Variants in CAAP1 observed in about 807,000 individuals in gnomAD.
CAAP1 encodes caspase activity and apoptosis inhibitor 1.
In CAAP1, 20 loss-of-function variants were observed where a neutral mutation model predicts 34.0. The observed-to-expected ratio is 0.59, with a 90% CI of 0.41 to 0.86. The LOEUF is 0.86. Ranked by LOEUF, CAAP1 falls within the 40% of genes least tolerant of loss-of-function variation. The probability of loss-of-function intolerance (pLI) is 0.00; values close to 1 mark genes in which losing one functional copy is unlikely to be tolerated. For missense variants in CAAP1, 538 were observed against 450.5 expected, an observed-to-expected ratio of 1.19 and a Z score of -1.76; for synonymous variants, 213 against 166.7, an observed-to-expected ratio of 1.28 and a Z score of -2.14.
At chr9:26,854,314 G>C (rs926826701) in intron 5 of CAAP1, among the ~76,000 whole-genome samples, 6 of 152,218 alleles carry the variant, frequency 3.9e-5, no homozygotes, top group Non-Finnish European at 8.8e-5. Context: ...GAGGAACAGA[G>C]AGTTTAAGTA....
Position 26,892,544 on chromosome 9 carries a change from C to G in CAAP1, c.172G>C (p.Ala58Pro), listed in dbSNP as rs752642572. 6.3e-7 allele frequency: 1 copy of G among 1,578,288 alleles called. No homozygotes were observed. The highest frequency in any genetic ancestry group is 1.1e-5 in the South Asian group (1 of 87,680). Residue 58 changes from alanine (A) to proline (P), a missense_variant, in exon 1 of 6, where the codon GCC becomes CCC. By Grantham distance (27) the Ala-to-Pro change is conservative (BLOSUM62 -1). Around this residue, in one of 3 missense-constraint regions of CAAP1, gnomAD observed 514 missense variants for 408.4 expected, o/e 1.26. Coordinates refer to ENST00000333916, the MANE Select transcript of CAAP1 (RefSeq NM_024828.4). ...GCGSVSCCGN[A>P]NFSGSVTGGG... Reference sequence around the variant, plus strand: ...CCGGTGACACTTCCACTAAAATTGGCGTTCCCACAGCAGCTGACGCTCCCG... The same window carrying G: ...CCGGTGACACTTCCACTAAAATTGGGGTTCCCACAGCAGCTGACGCTCCCG...
chr9:26,887,751 C>A (rs1011569000), intron 1 of CAAP1, among the ~76,000 whole-genome samples: 3 of 152,054 alleles, frequency 2.0e-5, no homozygotes, highest in African/African-American at 7.2e-5. Context: ...TTAGGATACA[C>A]AAACAAAAGT....
chr9:26,843,449 T>C (rs1207497176), intron 5 of CAAP1, among the ~76,000 whole-genome samples: 2 of 152,182 alleles, frequency 1.3e-5, no homozygotes, highest in African/African-American at 4.8e-5. Flanking sequence ...ATATTGAATA[T>C]GTTTTTTGTG....
Position 26,840,876 on chromosome 9 carries a change from C to T in CAAP1, c.*1425G>A, listed in dbSNP as rs1351245834. 1 of 152,184 alleles carries T rather than the reference C, an allele frequency of 6.6e-6. No individual in the cohort carries two copies. The highest frequency in any genetic ancestry group is 1.5e-5 in the Non-Finnish European group (1 of 68,030). The allele number at this position is 152,184 out of a possible 1,614,324, so 9.4% of individuals were successfully genotyped here. A position where few individuals can be genotyped will look rare whatever the true frequency, so the allele number is the denominator to read the frequency against. On this transcript the variant is annotated 3_prime_UTR_variant, in exon 6 of 6. Coordinates refer to ENST00000333916, the MANE Select transcript of CAAP1 (RefSeq NM_024828.4). ...AAAAATTATATCACTGTCTTTTCATCTTGAAGCAATAACAATGAACTCATA... is the reference window on the plus strand; with the variant it reads ...AAAAATTATATCACTGTCTTTTCATTTTGAAGCAATAACAATGAACTCATA...
At chr9:26,850,628 A>C (rs1039080174) in intron 5 of CAAP1, among the ~76,000 whole-genome samples, 2 of 152,336 alleles carry the variant, frequency 1.3e-5, no homozygotes, top group Non-Finnish European at 2.9e-5. Context: ...CTCTTCCAAT[A>C]ATTTGCCATG....
chr9:26,870,036 TA>T (rs1823236151), intron 4 of CAAP1: 9 of 473,396 alleles, frequency 1.9e-5, no homozygotes, highest in Non-Finnish European at 2.4e-5. Flanking sequence ...ATAGAAAGAA[TA>T]ACTTTTTTTT....
rs1020935611 is a variant in CAAP1, at chr9:26,842,519, G to T, written c.868C>A (p.Gln290Lys). 7 of 1,614,010 alleles carry T rather than the reference G, an allele frequency of 4.3e-6. No individual in the cohort carries two copies. The highest frequency in any genetic ancestry group is 5.9e-6 in the Non-Finnish European group (7 of 1,180,038). Residue 290 changes from glutamine to lysine, a missense_variant, in exon 6 of 6, where the codon CAG (glutamine) becomes AAG (lysine). Transcript: ENST00000333916. ...ATGTCTTTCTCCAGGTCATCTATCT[G>T]ACCAGCTTCACTTTGGACTGTATTT... ...PENTVQSEAG[Q>K]IDDLEKDIEK... is the part of the protein sequence containing the mutation.
At chr9:26,867,174 ATCT>A (rs1348173574) in intron 4 of CAAP1, among the ~76,000 whole-genome samples, 2 of 152,130 alleles carry the variant, frequency 1.3e-5, no homozygotes, top group South Asian at 4.1e-4. Flanking sequence ...TGATGGAAAA[ATCT>A]TCTTCCATGA....
chr9:26,877,137 T>G (rs1823456205), intron 4 of CAAP1, among the ~76,000 whole-genome samples: 1 of 152,190 alleles, frequency 6.6e-6, no homozygotes, highest in Non-Finnish European at 1.5e-5. Context: ...GAGCGAGACC[T>G]GCCTCTAAAA....
chr9:26,883,281 A>G (rs1823645187), intron 4 of CAAP1, among the ~76,000 whole-genome samples: 1 of 152,186 alleles, frequency 6.6e-6, no homozygotes, highest in Admixed American at 6.5e-5. Flanking sequence ...GAAGGGAACC[A>G]GTGGGAGATA....
intron 4 of CAAP1, among the ~76,000 whole-genome samples, chr9:26,877,505 C>A (rs763029644): frequency 1.1e-4 from 17 of 152,182 alleles, no homozygotes; most frequent in Non-Finnish European, 2.2e-4. Context: ...TCTCTACATT[C>A]CTGCCTATCT....
intron 5 of CAAP1, among the ~76,000 whole-genome samples, chr9:26,852,548 A>C (rs989174219): frequency 7.4e-4 from 112 of 152,142 alleles, no homozygotes; most frequent in African/African-American, 2.6e-3. Flanking sequence ...TAATGGAGAT[A>C]ATCTTAAAAA....
intron 4 of CAAP1, among the ~76,000 whole-genome samples, chr9:26,873,733 G>C (rs557324034): frequency 1.3e-5 from 2 of 151,984 alleles, no homozygotes; most frequent in African/African-American, 4.8e-5. Flanking sequence ...GTTGTTAAGC[G>C]GTTTTATCTT....
chr9:26,887,144 G>A (rs1045878092), intron 2 of CAAP1, among the ~76,000 whole-genome samples, 169 bp downstream of exon 2: 3 of 152,084 alleles, frequency 2.0e-5, no homozygotes, highest in Admixed American at 6.6e-5. Context: ...CCCGGGAGGC[G>A]GAGGTTGCAG....
chr9:26,850,965 A>C (rs1039053531), intron 5 of CAAP1, among the ~76,000 whole-genome samples: 1 of 152,220 alleles, frequency 6.6e-6, no homozygotes, highest in East Asian at 1.9e-4. Flanking sequence ...TAACATGAAT[A>C]TCCACCAGCC....
intron 4 of CAAP1, chr9:26,870,123 G>A (rs1052750527): frequency 5.4e-6 from 1 of 184,478 alleles, no homozygotes; most frequent in African/African-American, 2.4e-5. Flanking sequence ...TTCCCCACAG[G>A]GAAACCGTTG....
chr9:26,876,457 T>C lies in CAAP1; in HGVS notation c.665+8353A>G, dbSNP rs544874330. 5.3e-5 allele frequency among the ~76,000 whole-genome samples: 8 copies of C among 150,392 alleles called. No individual in the cohort carries two copies. The East Asian group carries it at 8.1e-4, about 15-fold the overall frequency. On this transcript the variant is annotated intron_variant, in intron 4 of 5. Coordinates refer to ENST00000333916, the MANE Select transcript of CAAP1 (RefSeq NM_024828.4). ...AGGGGGAGGTCATTATTCTATCATA[T>C]ATGCATTCTAGAAGGTTTTTTTTTT... is the stretch of plus-strand genomic sequence containing the variant.
chr9:26,843,793 G>A (rs1822536181), intron 5 of CAAP1, among the ~76,000 whole-genome samples: 1 of 152,006 alleles, frequency 6.6e-6, no homozygotes, highest in Admixed American at 6.5e-5. Flanking sequence ...ATGATTTACT[G>A]ACCTTCAGTG....
In CAAP1 at chr9:26,854,729, A is replaced by C. The variant is rs75581147; in HGVS notation, c.739+6337T>G. On this transcript the variant is annotated intron_variant, in intron 5 of 5. Coordinates refer to ENST00000333916, the MANE Select transcript of CAAP1 (RefSeq NM_024828.4). ...AATACGAAAACAACCCAGTTTTTAA[A>C]ATGCACAAATGATCTGAGAAGACAA... Among the ~76,000 whole-genome samples the C allele has an allele frequency of 1.3e-3, 201 of 152,348 alleles. 1 individual carries two copies. The highest frequency in any genetic ancestry group is 2.2e-3 in the Non-Finnish European group (152 of 68,012).
Sources: allele counts gnomAD v4.1 joint callset (sites outside exome capture counted in the v4.1 genomes callset), GRCh38; gene constraint gnomAD v4.1.1; regional missense constraint gnomAD v4.1.1; transcripts MANE v1.5; gene names NCBI Gene and HGNC (gene_info 2026-07-23, HGNC 2026-07-21).